The following ACSL4 variants were observed in gnomAD, a reference collection of about 807,000 sequenced individuals.
The protein encoded by ACSL4 is acyl-CoA synthetase long chain family member 4.
ACSL4 carries 9 observed loss-of-function variants against 49.1 expected under a neutral mutation model. The ratio of observed to expected loss-of-function variants is 0.18; its 90% confidence interval spans 0.11 to 0.32. The LOEUF is 0.32. Ranked by LOEUF, ACSL4 falls within the 10% of genes least tolerant of loss-of-function variation. ACSL4 has a pLI of 1.00. For missense variants in ACSL4, 333 were observed against 493.7 expected (o/e 0.67, Z 3.08); for synonymous variants, 191 against 170.3 (o/e 1.12, Z -0.95).
chrX:109,704,087 C>T lies in ACSL4; in HGVS notation c.-65-7891G>A, dbSNP rs182155693. 8.8e-3 allele frequency among the ~76,000 whole-genome samples: 969 copies of T among 110,547 alleles called. 9 individuals carry two copies. The highest frequency in any genetic ancestry group is 0.029 in the African/African-American group (878 of 30,465). ...CTTCAAGACTATAAAATTATTCCCT[C>T]GCATTTCTTAGAAGTATGATTATTA... is the stretch of plus-strand genomic sequence containing the variant. On this transcript the variant is annotated intron_variant, in intron 1 of 15. Transcript: ENST00000672401.
chrX:109,699,526 C>G (rs771256354), intron 1 of ACSL4, among the ~76,000 whole-genome samples: 2 of 111,768 alleles, frequency 1.8e-5, no homozygotes, highest in East Asian at 5.6e-4. Flanking sequence ...AACTGCCATA[C>G]TAAAATACAT....
chrX:109,673,225 G>T (rs955117253), intron 9 of ACSL4, among the ~76,000 whole-genome samples: 1 of 111,843 alleles, frequency 8.9e-6, no homozygotes, highest in South Asian at 3.7e-4. Flanking sequence ...TAAATAGACA[G>T]CCATAGTGGT....
At chrX:109,732,860 G>A (rs1928580468) in intron 1 of ACSL4, among the ~76,000 whole-genome samples, 1 of 112,131 alleles carries the variant, frequency 8.9e-6, no homozygotes, top group South Asian at 3.7e-4. Context: ...CTCGGGATGC[G>A]GTGAGCGGCA....
chrX:109,683,699 C>CA (rs1924366804), intron 2 of ACSL4: 2 of 354,366 alleles, frequency 5.6e-6, no homozygotes, highest in Non-Finnish European at 9.7e-6. Context: ...AAGCAGAGAG[C>CA]AGGAAAAATA....
intron 1 of ACSL4, among the ~76,000 whole-genome samples, chrX:109,718,752 A>G (rs1356210530): frequency 3.9e-5 from 4 of 102,261 alleles, no homozygotes; most frequent in Non-Finnish European, 6.0e-5. Flanking sequence ...CTGTCTCAAG[A>G]AAAAAAAAAA....
intron 15 of ACSL4, among the ~76,000 whole-genome samples, chrX:109,651,288 A>G (rs1921119852): frequency 8.9e-6 from 1 of 111,812 alleles, no homozygotes; most frequent in Non-Finnish European, 1.9e-5. Context: ...GCACATTTTT[A>G]AAAACTACTA....
Position 109,663,197 on chromosome X carries a change from G to T in ACSL4, c.1582+14C>A. The T allele has an allele frequency of 8.4e-7, 1 of 1,186,282 alleles. No homozygotes were observed. Among genetic ancestry groups the T allele is most frequent in the Non-Finnish European group, 1.1e-6 (1 of 880,398 alleles). On this transcript the variant is annotated intron_variant, in intron 13 of 15. Transcript: ENST00000672401. ...TAAAAACTAAAGAAAACCATAAAAA[G>T]AAAACATTCTGACCTATAATCTGTA...
chrX:109,657,853 A>G (rs906717518), intron 15 of ACSL4, among the ~76,000 whole-genome samples: 1 of 111,189 alleles, frequency 9.0e-6, no homozygotes, highest in African/African-American at 3.3e-5. Context: ...AAGTGTTCCT[A>G]TTTCTCCATA....
chrX:109,722,029 A>C (rs1347319031), intron 1 of ACSL4, among the ~76,000 whole-genome samples: 1 of 112,029 alleles, frequency 8.9e-6, no homozygotes, highest in Non-Finnish European at 1.9e-5. Context: ...AATCATCATA[A>C]TAAAAACCTG....
chrX:109,705,788 C>T (rs35218038), intron 1 of ACSL4, among the ~76,000 whole-genome samples: 1 of 112,567 alleles, frequency 8.9e-6, no homozygotes, highest in East Asian at 2.8e-4. Context: ...ACCTCCACCT[C>T]CCGGGTTCAA....
chrX:109,703,626 A>G (rs775969213), intron 1 of ACSL4, among the ~76,000 whole-genome samples: 3 of 112,170 alleles, frequency 2.7e-5, no homozygotes, highest in South Asian at 7.4e-4. Context: ...CTATTAGCTA[A>G]TGAACATATG....
rs1031855291 is a variant in ACSL4 at position 109,671,557 on chromosome X, G to A, written c.1003-2384C>T. Among the ~76,000 whole-genome samples, 3 of 112,456 alleles carry A rather than the reference G, an allele frequency of 2.7e-5. No individual in the cohort carries two copies. In the Admixed American group the frequency reaches 2.8e-4, roughly 10 times the overall value. Reference sequence around the variant, plus strand: ...AGGTGAGGAGCCCCTCTGCCAGGTCGCCACCCCATCTGGGAGGTGTACCCA... The same window carrying A: ...AGGTGAGGAGCCCCTCTGCCAGGTCACCACCCCATCTGGGAGGTGTACCCA... On this transcript the variant is annotated intron_variant, in intron 9 of 15. Transcript: ENST00000672401.
At chrX:109,667,453 A>T (rs974947124) in intron 11 of ACSL4, among the ~76,000 whole-genome samples, 4 of 112,750 alleles carry the variant, frequency 3.5e-5, no homozygotes, top group African/African-American at 9.7e-5. Flanking sequence ...ACCAAAGAAG[A>T]AGTTAGGACA....
chrX:109,729,674 G>A (rs868008623), intron 1 of ACSL4, among the ~76,000 whole-genome samples: 4 of 111,813 alleles, frequency 3.6e-5, no homozygotes, highest in Non-Finnish European at 5.6e-5. Context: ...AAATAAATAA[G>A]TAAAACAAAC....
At chrX:109,661,216 A>C (rs191108665) in intron 14 of ACSL4, among the ~76,000 whole-genome samples, 12 of 112,191 alleles carry the variant, frequency 1.1e-4, no homozygotes, top group African/African-American at 3.6e-4. Context: ...TCATCTCAAC[A>C]TGTAGTAGTT....
At chrX:109,732,405 CTA>C (rs746180146) in intron 1 of ACSL4, among the ~76,000 whole-genome samples, 1 of 111,466 alleles carries the variant, frequency 9.0e-6, no homozygotes, top group African/African-American at 3.3e-5. Context: ...CTAGATTTTT[CTA>C]TGTCTATAGA....
rs766924860 is a variant in ACSL4, at chrX:109,645,775, A to C, written c.1856-1589T>G. 2.1e-3 allele frequency among the ~76,000 whole-genome samples: 239 copies of C among 111,921 alleles called. 1 individual carries two copies. The highest frequency in any genetic ancestry group is 9.7e-3 in the South Asian group (26 of 2,682). ...AGGCAAAGAAGTTGAAAACTTTGAA[A>C]AAAATTTAGAAGAATGTATAACTAG... On this transcript the variant is annotated intron_variant, in intron 15 of 15. Coordinates refer to ENST00000672401, the MANE Select transcript of ACSL4 (RefSeq NM_001318510.2).
chrX:109,655,629 CCA>C (rs1013106213), intron 15 of ACSL4, among the ~76,000 whole-genome samples: 6 of 110,734 alleles, frequency 5.4e-5, no homozygotes, highest in Admixed American at 4.8e-4. Context: ...TTAACATTTC[CCA>C]GAACTGAAGG....
intron 2 of ACSL4, among the ~76,000 whole-genome samples, chrX:109,688,422 A>G (rs1924777028): frequency 8.9e-6 from 1 of 111,896 alleles, no homozygotes; most frequent in Non-Finnish European, 1.9e-5. Flanking sequence ...TATTCCCTTC[A>G]GCATCATAAC....
Sources: allele counts gnomAD v4.1 joint callset (sites outside exome capture counted in the v4.1 genomes callset), GRCh38; gene constraint gnomAD v4.1.1; transcripts MANE v1.5; gene names NCBI Gene and HGNC (gene_info 2026-07-23, HGNC 2026-07-21).